Variants in ITGAV observed in about 807,000 individuals in gnomAD.
ITGAV encodes integrin subunit alpha V.
Under a neutral mutation model 143.8 loss-of-function variants are expected in ITGAV, and 76 were observed. The observed-to-expected ratio is 0.53, with a 90% confidence interval of 0.44 to 0.64. ITGAV has a LOEUF of 0.64. Ranked by LOEUF, ITGAV falls within the 30% of genes least tolerant of loss-of-function variation. The pLI, the probability that ITGAV is intolerant of heterozygous loss-of-function variation, is 0.00. For missense variants in ITGAV, 1,193 were observed against 1,274.7 expected (o/e 0.94, Z 0.98); for synonymous variants, 453 against 446.7 (o/e 1.01, Z -0.18).
chr2:186,607,989 T>C (rs992781381), intron 2 of ITGAV, among the ~76,000 whole-genome samples: 6 of 151,926 alleles, frequency 3.9e-5, no homozygotes, highest in Admixed American at 2.6e-4. Context: ...GGCTATGGAG[T>C]TGTTGCAAAA....
intron 26 of ITGAV, among the ~76,000 whole-genome samples, chr2:186,670,576 C>T (rs1050124166): frequency 6.6e-6 from 1 of 152,138 alleles, no homozygotes; most frequent in East Asian, 1.9e-4. Context: ...GCTGGGATGA[C>T]AGGCATGAAC....
chr2:186,608,099 A>G (rs1021170765), intron 2 of ITGAV, among the ~76,000 whole-genome samples: 2 of 152,166 alleles, frequency 1.3e-5, no homozygotes, highest in Non-Finnish European at 2.9e-5. Flanking sequence ...GGCGGGGCAA[A>G]GAGAAGTACT....
At chr2:186,623,071 A>AG (rs1687579416) in intron 3 of ITGAV, among the ~76,000 whole-genome samples, 1 of 152,092 alleles carries the variant, frequency 6.6e-6, no homozygotes, top group Non-Finnish European at 1.5e-5. Flanking sequence ...TACAGAACAA[A>AG]GAAAAAAAAA....
chr2:186,679,930 C>T lies in ITGAV; in HGVS notation c.*2638C>T, dbSNP rs1689308277. ...AACACTTACATTTCCATAAAGAAAA[C>T]TCAAGTATTAATAAAAGAGACTTTA... On this transcript the variant is annotated 3_prime_UTR_variant, in exon 30 of 30. Transcript: ENST00000261023. The T allele has an allele frequency of 6.6e-6, 1 of 151,998 alleles. No homozygotes were observed. Among genetic ancestry groups the T allele is most frequent in the African/African-American group, 2.4e-5 (1 of 41,442 alleles). 9.4% of individuals were successfully genotyped at this position (151,998 alleles called of 1,614,324 possible). A position where few individuals can be genotyped will look rare whatever the true frequency, so the allele number is the denominator to read the frequency against.
intron 7 of ITGAV, 117 bp downstream of exon 7, chr2:186,636,324 C>A: frequency 1.3e-6 from 1 of 792,134 alleles, no homozygotes; most frequent in Non-Finnish European, 2.0e-6. Context: ...TTTTTTGAAA[C>A]ATACAGAATA....
chr2:186,631,790 T>G (rs775161875), intron 5 of ITGAV, among the ~76,000 whole-genome samples: 12 of 152,166 alleles, frequency 7.9e-5, no homozygotes, highest in Non-Finnish European at 1.5e-4. Context: ...CCCAGCACTT[T>G]GGGAGGCTGA....
chr2:186,660,506 A>T (rs1688716287), intron 18 of ITGAV: 2 of 152,074 alleles, frequency 1.3e-5, no homozygotes, highest in Admixed American at 6.6e-5. Context: ...CACCATTTTC[A>T]TCATTTCCTT....
At chr2:186,674,350 A>T (rs1376313928) in intron 26 of ITGAV, among the ~76,000 whole-genome samples, 1 of 151,516 alleles carries the variant, frequency 6.6e-6, no homozygotes, top group Non-Finnish European at 1.5e-5. Flanking sequence ...CTGAAATATG[A>T]CTCATATTTG....
intron 2 of ITGAV, among the ~76,000 whole-genome samples, chr2:186,614,425 T>C (rs1687296791): frequency 6.6e-6 from 1 of 152,004 alleles, no homozygotes; most frequent in Admixed American, 6.6e-5. Flanking sequence ...TTACAAAAAG[T>C]TTTTTTAGTT....
At chr2:186,640,420 T>C (rs1440113521) in intron 10 of ITGAV, among the ~76,000 whole-genome samples, 1 of 152,228 alleles carries the variant, frequency 6.6e-6, no homozygotes, top group Non-Finnish European at 1.5e-5. Flanking sequence ...TAAACAGTAG[T>C]AGTAGTTACA....
At position 186,668,852 on chromosome 2, in the gene ITGAV, C is replaced by G. The variant is rs1410597513; in HGVS notation, c.2524C>G (p.Leu842Val). 6.2e-7 allele frequency: 1 copy of G among 1,612,678 alleles called. No individual in the cohort carries two copies. Among genetic ancestry groups the G allele is most frequent in the East Asian group, 2.2e-5 (1 of 44,822 alleles). ...KYNNNTLLYI[L>V]HYDIDGPMNC... ...TAATAATAACACTCTGTTGTATATC[C>G]TTCATTATGATATTGATGGACCAAT... Residue 842 changes from leucine to valine, a missense_variant, in exon 25 of 30, where the codon CTT becomes GTT. Transcript: ENST00000261023.
At chr2:186,612,907 T>C (rs981251070) in intron 2 of ITGAV, among the ~76,000 whole-genome samples, 4 of 152,184 alleles carry the variant, frequency 2.6e-5, no homozygotes, top group Non-Finnish European at 4.4e-5. Context: ...TAAAAATGTT[T>C]CTCCTGATAT....
At chr2:186,596,866 C>T (rs1385698380) in intron 1 of ITGAV, among the ~76,000 whole-genome samples, 1 of 152,180 alleles carries the variant, frequency 6.6e-6, no homozygotes, top group Non-Finnish European at 1.5e-5. Flanking sequence ...CTTTAAAAAA[C>T]TTAAATATCT....
intron 18 of ITGAV, among the ~76,000 whole-genome samples, 177 bp from the exon 19 acceptor site, chr2:186,663,591 T>G (rs1214851217): frequency 6.6e-6 from 1 of 152,190 alleles, no homozygotes; most frequent in Non-Finnish European, 1.5e-5. Flanking sequence ...ACTGACCTGC[T>G]TAAAAATAAG....
chr2:186,647,206 T>C (rs1688288098), intron 13 of ITGAV, among the ~76,000 whole-genome samples: 1 of 152,070 alleles, frequency 6.6e-6, no homozygotes, highest in Admixed American at 6.6e-5. Context: ...TTTTTAATTA[T>C]GTAGAATATA....
At position 186,677,064 on chromosome 2, in the gene ITGAV, C is replaced by T. The variant is rs1057515095; in HGVS notation, c.3051+129C>T. On this transcript the variant is annotated intron_variant, in intron 29 of 29. Transcript: ENST00000261023. ...TAATGATGATACTTGATGAGCATTA[C>T]TTATTATATGAGGGAAGATAAATTT... is the stretch of plus-strand genomic sequence containing the variant. The T allele has an allele frequency of 2.5e-6, 3 of 1,216,386 alleles. No individual in the cohort carries two copies. The African/African-American group carries it at 4.6e-5, about 19-fold the overall frequency. 75.3% of individuals were successfully genotyped at this position (1,216,386 alleles called of 1,614,324 possible).
At position 186,612,075 on chromosome 2, in the gene ITGAV, G is replaced by A. The variant is rs146134930; in HGVS notation, c.316+9924G>A. ...GAACTGTAGGGAACTAAATAAATAC[G>A]GAAAAGGAAAGAAATAAAGATAATT... On this transcript the variant is annotated intron_variant, in intron 2 of 29. Transcript: ENST00000261023. Among the ~76,000 whole-genome samples the A allele has an allele frequency of 3.2e-4, 48 of 152,176 alleles. No homozygotes were observed. The East Asian group carries it at 7.5e-3, about 24-fold the overall frequency.
intron 1 of ITGAV, among the ~76,000 whole-genome samples, chr2:186,594,848 T>C (rs574583910): frequency 2.0e-5 from 3 of 152,342 alleles, no homozygotes; most frequent in African/African-American, 7.2e-5. Context: ...TTGGCTGATT[T>C]TTCTCATCAT....
intron 5 of ITGAV, among the ~76,000 whole-genome samples, chr2:186,632,606 A>G (rs1256718411): frequency 6.6e-6 from 1 of 152,198 alleles, no homozygotes; most frequent in Non-Finnish European, 1.5e-5. Flanking sequence ...CTAGGCAAGC[A>G]TAATTTGTAT....
Sources: gnomAD v4.1 joint callset for allele counts (sites outside exome capture counted in the v4.1 genomes callset) on GRCh38, gnomAD v4.1.1 for gene constraint, MANE v1.5 for transcripts, NCBI Gene and HGNC (gene_info 2026-07-23, HGNC 2026-07-21) for gene names.